Variants in FLYWCH2 observed in about 807,000 individuals in gnomAD.
FLYWCH2 encodes the protein FLYWCH family member 2.
In FLYWCH2, 2 loss-of-function variants were observed where a neutral mutation model predicts 6.0. The ratio of observed to expected loss-of-function variants is 0.33; its 90% CI spans 0.14 to 1.04. The LOEUF is 1.04. Ranked by LOEUF, FLYWCH2 falls within the 50% of genes least tolerant of loss-of-function variation. The pLI, the probability that FLYWCH2 is intolerant of heterozygous loss-of-function variation, is 0.45. For synonymous variants in FLYWCH2, 87 were observed against 79.3 expected (o/e 1.10, Z -0.52); for missense variants, 192 against 183.4 (o/e 1.05, Z -0.27).
chr16:2,898,756 T>A (rs1282766328), intron 3 of FLYWCH2: 2 of 306,502 alleles, frequency 6.5e-6, no homozygotes, highest in Non-Finnish European at 1.2e-5. Flanking sequence ...AACTCCTCCA[T>A]CCTTCCATCC....
intron 1 of FLYWCH2, among the ~76,000 whole-genome samples, chr16:2,894,175 A>T (rs2150848923): frequency 6.6e-6 from 1 of 152,046 alleles, no homozygotes. Flanking sequence ...GGCCTGGAGG[A>T]GGCTGCTAGG....
At chr16:2,896,039 C>T (rs146378687) in intron 2 of FLYWCH2, among the ~76,000 whole-genome samples, 3 of 152,212 alleles carry the variant, frequency 2.0e-5, no homozygotes, top group East Asian at 1.9e-4. Context: ...ACCCTTCGTC[C>T]GTGCTCAGCA....
intron 1 of FLYWCH2, among the ~76,000 whole-genome samples, chr16:2,891,427 T>C (rs1003891101): frequency 2.0e-5 from 3 of 152,100 alleles, no homozygotes; most frequent in Non-Finnish European, 4.4e-5. Flanking sequence ...TTTTTTGAGA[T>C]GGAGTCTCGC....
At chr16:2,896,962 C>T (rs2285825) in intron 3 of FLYWCH2, 191 bp downstream of exon 3, 1 of 622,230 alleles carries the variant, frequency 1.6e-6, no homozygotes. Context: ...AACCCTGCCT[C>T]TGAGCGGCCT....
At chr16:2,894,680 T>C (rs913544854) in intron 1 of FLYWCH2, among the ~76,000 whole-genome samples, 1 of 152,210 alleles carries the variant, frequency 6.6e-6, no homozygotes, top group Non-Finnish European at 1.5e-5. Context: ...GCCTGGCGCA[T>C]TTCTTCAAGT....
intron 1 of FLYWCH2, among the ~76,000 whole-genome samples, chr16:2,893,330 G>A (rs537030931): frequency 6.6e-6 from 1 of 152,246 alleles, no homozygotes; most frequent in African/African-American, 2.4e-5. Flanking sequence ...AAGCAGCCCA[G>A]GGGCTGCCAG....
intron 3 of FLYWCH2, among the ~76,000 whole-genome samples, chr16:2,897,243 G>C (rs1037634966): frequency 2.6e-5 from 4 of 152,108 alleles, no homozygotes; most frequent in Non-Finnish European, 4.4e-5. Flanking sequence ...CTGGAGACTC[G>C]AGTCACGCAG....
At chr16:2,895,449 C>T (rs1165181389) in intron 2 of FLYWCH2, 129 bp downstream of exon 2, 1 of 152,304 alleles carries the variant, frequency 6.6e-6, no homozygotes, top group Non-Finnish European at 1.5e-5. Flanking sequence ...CCCGTCTCTA[C>T]TAAAAATACA....
intron 1 of FLYWCH2, among the ~76,000 whole-genome samples, chr16:2,884,570 A>AAAAAAAAAAC (rs1281848146): frequency 6.8e-6 from 1 of 146,662 alleles, no homozygotes; most frequent in Non-Finnish European, 1.5e-5. Context: ...AAAAAAAAAA[A>AAAAAAAAAAC]AAAAAAATAC....
In FLYWCH2 at chr16:2,886,688, A is replaced by AT. The variant is rs1455818892; in HGVS notation, c.-200+3326dup. On this transcript the variant is annotated intron_variant, in intron 1 of 3. Transcript: ENST00000396958. ...AGGCATGTGCCACCAAGCTTGGCTA[A>AT]TTTTGTATTTTTAGTAGAGACAGGG... is the stretch of plus-strand genomic sequence containing the variant. 3.3e-3 allele frequency among the ~76,000 whole-genome samples: 460 copies of AT among 139,154 alleles called. 27 individuals are homozygous for AT. Among genetic ancestry groups the AT allele is most frequent in the African/African-American group, 0.013 (433 of 32,506 alleles). 91.3% of individuals were successfully genotyped at this position (139,154 alleles called of 152,430 possible). A position where few individuals can be genotyped will look rare whatever the true frequency, so the allele number is the denominator to read the frequency against.
Position 2,884,442 on chromosome 16 carries a change from G to A in FLYWCH2, c.-200+1076G>A, listed in dbSNP as rs191920705. On this transcript the variant is annotated intron_variant, in intron 1 of 3. Transcript: ENST00000396958. The stretch of plus-strand genomic sequence containing the variant: ...AATAAGGTGGCTTAAAGCAACACAG[G>A]CCGGGCGCGGTGGTTCACGCCTGTA... 2.5e-3 allele frequency among the ~76,000 whole-genome samples: 379 copies of A among 151,800 alleles called. 3 individuals are homozygous for A. The highest frequency in any genetic ancestry group is 3.4e-3 in the Middle Eastern group (1 of 292).
chr16:2,894,205 TGTG>T (rs1379464109), intron 1 of FLYWCH2, among the ~76,000 whole-genome samples: 6 of 152,056 alleles, frequency 3.9e-5, no homozygotes, highest in Non-Finnish European at 8.8e-5. Context: ...CTGCCAGCCT[TGTG>T]GGGACCAACT....
At chr16:2,889,563 A>C (rs1007611768) in intron 1 of FLYWCH2, among the ~76,000 whole-genome samples, 1 of 132,290 alleles carries the variant, frequency 7.6e-6, no homozygotes, top group East Asian at 2.1e-4. Flanking sequence ...AAAAAAAAAA[A>C]CAACCTGAAA....
At chr16:2,892,892 G>GTA (rs1430806218) in intron 1 of FLYWCH2, among the ~76,000 whole-genome samples, 1 of 50,370 alleles carries the variant, frequency 2.0e-5, no homozygotes, top group East Asian at 3.0e-4. Context: ...AATATATAAT[G>GTA]TATATATGTC....
intron 1 of FLYWCH2, among the ~76,000 whole-genome samples, chr16:2,887,712 A>C (rs369867516): frequency 1.3e-5 from 2 of 151,860 alleles, no homozygotes; most frequent in Non-Finnish European, 2.9e-5. Context: ...CTGGAACTAC[A>C]TATGTGCCCC....
At chr16:2,890,756 G>C (rs1339635747) in intron 1 of FLYWCH2, among the ~76,000 whole-genome samples, 1 of 151,978 alleles carries the variant, frequency 6.6e-6, no homozygotes, top group Non-Finnish European at 1.5e-5. Context: ...TACTGGAGAC[G>C]GAGTTTAGCC....
Position 2,899,061 on chromosome 16 carries a change from C to G in FLYWCH2, c.335C>G (p.Thr112Arg). ...RSRQDPGTDRTEDSGLAAGPP... is the reference protein window; with the variant it reads ...RSRQDPGTDRREDSGLAAGPP... ...TCTTCTCTCGCAGGCACAGACAGAA[C>G]AGAAGACAGTGGATTAGCAGCGGGG... Residue 112 changes from threonine (T) to arginine (R), a missense_variant, in exon 4 of 4, where the codon ACA becomes AGA. Coordinates refer to ENST00000396958, the MANE Select transcript of FLYWCH2 (RefSeq NM_138439.3). 2 of 1,613,440 alleles carry G rather than the reference C, an allele frequency of 1.2e-6. No homozygotes were observed. Among genetic ancestry groups the G allele is most frequent in the East Asian group, 2.2e-5 (1 of 44,816 alleles).
chr16:2,896,905 C>A, intron 3 of FLYWCH2, 134 bp downstream of exon 3: 1 of 852,508 alleles, frequency 1.2e-6, no homozygotes, highest in Non-Finnish European at 1.8e-6. Context: ...GTGTGGAGAG[C>A]AGTGGCACAG....
chr16:2,885,519 A>T (rs947849742), intron 1 of FLYWCH2, among the ~76,000 whole-genome samples: 1 of 152,034 alleles, frequency 6.6e-6, no homozygotes, highest in African/African-American at 2.4e-5. Context: ...GTCTCCATAG[A>T]TTTTCCTACT....
Sources: allele counts gnomAD v4.1 joint callset (sites outside exome capture counted in the v4.1 genomes callset), GRCh38; gene constraint gnomAD v4.1.1; transcripts MANE v1.5; gene names NCBI Gene and HGNC (gene_info 2026-07-23, HGNC 2026-07-21).